GJB3: variants seen among roughly 807,000 people sequenced by gnomAD.
GJB3 encodes gap junction beta-3 protein.
A neutral mutation model predicts 8.1 loss-of-function variants in GJB3; 6 were observed. The ratio of observed to expected loss-of-function variants is 0.75; its 90% CI spans 0.41 to 1.47. The LOEUF (loss-of-function observed/expected upper bound fraction) is 1.47. Ranked by LOEUF, GJB3 falls within the 40% of genes most tolerant of loss-of-function variation. The probability of loss-of-function intolerance (pLI) is 0.02; values close to 1 mark genes in which losing one functional copy is unlikely to be tolerated. For missense variants in GJB3, 348 were observed against 365.6 expected, an observed-to-expected ratio of 0.95 and a Z score of 0.39; for synonymous variants, 137 against 156.4, an observed-to-expected ratio of 0.88 and a Z score of 0.93.
At position 34,785,605 on chromosome 1, in the gene GJB3, G is replaced by C. The variant is rs1317612103; in HGVS notation, c.*30G>C. ...AGGGCAGGGGTGGGGCAACATGCGG[G>C]CTGCCAATGGGACATGCAGGGCGGT... On this transcript the variant is annotated 3_prime_UTR_variant, in exon 2 of 2. Transcript: ENST00000373366. The surrounding 1 kb of genome is among the most constrained non-coding windows in gnomAD (Gnocchi z 4.7). 6.4e-7 allele frequency: 1 copy of C among 1,573,970 alleles called. No homozygotes were observed. The highest frequency in any genetic ancestry group is 8.7e-7 in the Non-Finnish European group (1 of 1,144,916).
At position 34,784,816 on chromosome 1, in the gene GJB3, AGCGTTCGG is replaced by A. The variant is rs780352766; in HGVS notation, c.58_65del (p.Phe20HisfsTer25). ...TGAGCGGTGTGAACAAGTACTCCAC[AGCGTTCGG>A]GCGCATCTGGCTGTCCGTGGTGTTC... is the stretch of plus-strand genomic sequence containing the variant. On this transcript the variant is annotated frameshift_variant, in exon 2 of 2. Coordinates refer to ENST00000373366, the MANE Select transcript of GJB3 (RefSeq NM_024009.3). LOFTEE classifies it high-confidence loss of function. 1 of 1,614,198 alleles carries A rather than the reference AGCGTTCGG, an allele frequency of 6.2e-7. No homozygotes were observed. The highest frequency in any genetic ancestry group is 8.5e-7 in the Non-Finnish European group (1 of 1,180,032).
rs1640092052 is a variant in GJB3, at chr1:34,785,345, T to C, written c.583T>C (p.Ser195Pro). Residue 195 changes from serine to proline, a missense_variant, in exon 2 of 2, where the codon TCC becomes CCC. By Grantham distance (74) the Ser-to-Pro change is moderately conservative (BLOSUM62 -1). Coordinates refer to ENST00000373366, the MANE Select transcript of GJB3 (RefSeq NM_024009.3). The surrounding 1 kb of genome is among the most constrained non-coding windows in gnomAD (Gnocchi z 4.7). ...CTTCACCTACTTCATGGTGGGCGCC[T>C]CCGCCGTCTGCATCGTACTCACCAT... ...KIFTYFMVGA[S>P]AVCIVLTICE... 1 of 1,613,192 alleles carries C rather than the reference T, an allele frequency of 6.2e-7. No individual in the cohort carries two copies. Among genetic ancestry groups the C allele is most frequent in the Non-Finnish European group, 8.5e-7 (1 of 1,179,852 alleles).
rs202043889 is a variant in GJB3 at position 34,785,110 on chromosome 1, G to A, written c.348G>A (p.Leu116=). The A allele has an allele frequency of 6.2e-7, 1 of 1,614,132 alleles. No homozygotes were observed. The highest frequency in any genetic ancestry group is 8.5e-7 in the Non-Finnish European group (1 of 1,180,048). The part of the protein sequence containing the change: ...RQKHGDQCAK[L]YDNAGKKHGG... ...AACACGGGGACCAGTGCGCCAAGCTGTACGACAACGCAGGCAAGAAGCACG... is the reference window on the plus strand; with the variant it reads ...AACACGGGGACCAGTGCGCCAAGCTATACGACAACGCAGGCAAGAAGCACG... Residue 116 remains leucine (L), a synonymous_variant, in exon 2 of 2, where the codon CTG becomes CTA. Coordinates refer to ENST00000373366, the MANE Select transcript of GJB3 (RefSeq NM_024009.3). This position sits in a 1 kb window ranked among gnomAD's most constrained non-coding sequence, Gnocchi z 4.7.
chr1:34,783,783 C>T (rs1482970129), intron 1 of GJB3, among the ~76,000 whole-genome samples: 1 of 152,102 alleles, frequency 6.6e-6, no homozygotes, highest in Non-Finnish European at 1.5e-5. Context: ...CAGACCCACC[C>T]GTCCACACCC....
At position 34,783,674 on chromosome 1, in the gene GJB3, T is replaced by C. The variant is rs1227172065; in HGVS notation, c.-25-1064T>C. 3.9e-5 allele frequency among the ~76,000 whole-genome samples: 6 copies of C among 152,144 alleles called. 1 individual carries two copies. The highest frequency in any genetic ancestry group is 1.9e-4 in the East Asian group (1 of 5,176). ...CGCATGCTCAGAGGTGCAAGTCAGC[T>C]CCAGGGGGACTCACATGCACATAGG... On this transcript the variant is annotated intron_variant, in intron 1 of 1. Coordinates refer to ENST00000373366, the MANE Select transcript of GJB3 (RefSeq NM_024009.3).
chr1:34,784,661 C>A (rs1640068644), intron 1 of GJB3, 77 bp from the exon 2 acceptor site: 1 of 946,262 alleles, frequency 1.1e-6, no homozygotes, highest in Non-Finnish European at 1.7e-6. Context: ...GAACTCAGAA[C>A]ACTGCCTGGT....
chr1:34,783,394 G>T (rs1173477935), intron 1 of GJB3, among the ~76,000 whole-genome samples: 2 of 152,216 alleles, frequency 1.3e-5, no homozygotes, highest in South Asian at 2.1e-4. Context: ...AGGTTCTGGA[G>T]GAAGAGCATT....
At position 34,785,944 on chromosome 1, in the gene GJB3, G is replaced by C. The variant is rs2236214; in HGVS notation, c.*369G>C. ...ATAATGTGTAAGAGAGGTGAGAAGTGCTCCCAAGCAGACACAACAGCAGCA... is the reference window on the plus strand; with the variant it reads ...ATAATGTGTAAGAGAGGTGAGAAGTCCTCCCAAGCAGACACAACAGCAGCA... On this transcript the variant is annotated 3_prime_UTR_variant, in exon 2 of 2. Transcript: ENST00000373366. The surrounding 1 kb of genome is among the most constrained non-coding windows in gnomAD (Gnocchi z 4.7). 59,973 of 279,616 alleles carry C rather than the reference G, an allele frequency of 0.21. 7,086 individuals are homozygous for C. The highest frequency in any genetic ancestry group is 0.31 in the African/African-American group (13,525 of 44,336). The allele number at this position is 279,616 out of a possible 1,614,324, so 17.3% of individuals were successfully genotyped here. A position where few individuals can be genotyped will look rare whatever the true frequency, so the allele number is the denominator to read the frequency against.
chr1:34,784,738 G>C lies in GJB3; in HGVS notation c.-25G>C, dbSNP rs770163316. On this transcript the variant is annotated splice_region_variant and 5_prime_UTR_variant, in exon 2 of 2. Coordinates refer to ENST00000373366, the MANE Select transcript of GJB3 (RefSeq NM_024009.3). Reference sequence around the variant, plus strand: ...ATGGTTTTTCCTCTAATTCTCTCAGGTAGGCACGGCCCCCACCAGGCGCCA... The same window carrying C: ...ATGGTTTTTCCTCTAATTCTCTCAGCTAGGCACGGCCCCCACCAGGCGCCA... The C allele has an allele frequency of 7.5e-6, 12 of 1,598,290 alleles. No individual in the cohort carries two copies. Among genetic ancestry groups the C allele is most frequent in the Middle Eastern group, 3.3e-4 (2 of 6,052 alleles).
intron 1 of GJB3, among the ~76,000 whole-genome samples, chr1:34,783,649 C>T (rs1323882419): frequency 6.6e-6 from 1 of 152,140 alleles, no homozygotes; most frequent in Non-Finnish European, 1.5e-5. Context: ...GCAGGCATCA[C>T]GCATGCTCAG....
At chr1:34,783,933 T>C (rs1412838932) in intron 1 of GJB3, among the ~76,000 whole-genome samples, 1 of 152,026 alleles carries the variant, frequency 6.6e-6, no homozygotes. Context: ...AGCAGGGAGT[T>C]TTCTCTAGAT....
In GJB3 at chr1:34,785,668, C is replaced by CTGAGTT; in HGVS notation, c.*93_*94insTGAGTT. On this transcript the variant is annotated 3_prime_UTR_variant, in exon 2 of 2. Transcript: ENST00000373366. The surrounding 1 kb of genome is among the most constrained non-coding windows in gnomAD (Gnocchi z 4.7). ...GAGGTCCTACAGGGGCTGAGTGACC[C>CTGAGTT]CACTCTGAGTTCACTAAGTTATGCA... 1 of 986,394 alleles carries CTGAGTT rather than the reference C, an allele frequency of 1.0e-6. No individual in the cohort carries two copies. The highest frequency in any genetic ancestry group is 1.4e-5 in the South Asian group (1 of 71,106). 61.1% of individuals were successfully genotyped at this position (986,394 alleles called of 1,614,324 possible).
intron 1 of GJB3, among the ~76,000 whole-genome samples, chr1:34,784,300 G>A (rs1410577665): frequency 6.6e-6 from 1 of 152,210 alleles, no homozygotes; most frequent in Non-Finnish European, 1.5e-5. Context: ...ACAGTAATGA[G>A]TAGCCAGCAT....
chr1:34,783,290 AG>A (rs1376435429), intron 1 of GJB3, among the ~76,000 whole-genome samples: 1 of 152,160 alleles, frequency 6.6e-6, no homozygotes, highest in Non-Finnish European at 1.5e-5. Flanking sequence ...TGACAGAAGC[AG>A]GGGCTCTTTC....
In GJB3 at chr1:34,785,119, C is replaced by G. The variant is rs41310442; in HGVS notation, c.357C>G (p.Asn119Lys). ...HGDQCAKLYDNAGKKHGGLWW... is the reference protein window; with the variant it reads ...HGDQCAKLYDKAGKKHGGLWW... ...ACCAGTGCGCCAAGCTGTACGACAA[C>G]GCAGGCAAGAAGCACGGAGGCCTGT... Residue 119 changes from asparagine (N) to lysine (K), a missense_variant, in exon 2 of 2, where the codon AAC becomes AAG. Coordinates refer to ENST00000373366, the MANE Select transcript of GJB3 (RefSeq NM_024009.3). This position sits in a 1 kb window ranked among gnomAD's most constrained non-coding sequence, Gnocchi z 4.7. The G allele has an allele frequency of 2.5e-6, 4 of 1,613,982 alleles. No individual in the cohort carries two copies. The highest frequency in any genetic ancestry group is 3.4e-6 in the Non-Finnish European group (4 of 1,180,040).
chr1:34,783,677 A>G (rs1045128295), intron 1 of GJB3, among the ~76,000 whole-genome samples: 9 of 152,176 alleles, frequency 5.9e-5, no homozygotes, highest in East Asian at 1.9e-4. Context: ...AGTCAGCTCC[A>G]GGGGGACTCA....
chr1:34,783,438 G>A (rs945841414), intron 1 of GJB3, among the ~76,000 whole-genome samples: 1 of 152,198 alleles, frequency 6.6e-6, no homozygotes, highest in Non-Finnish European at 1.5e-5. Context: ...AGCCCCCAAG[G>A]CCCTTATTCC....
Position 34,785,690 on chromosome 1 carries a change from T to G in GJB3, c.*115T>G. 1 of 829,756 alleles carries G rather than the reference T, an allele frequency of 1.2e-6. No individual in the cohort carries two copies. The highest frequency in any genetic ancestry group is 1.7e-5 in the African/African-American group (1 of 58,768). 51.4% of individuals were successfully genotyped at this position (829,756 alleles called of 1,614,324 possible). A position where few individuals can be genotyped will look rare whatever the true frequency, so the allele number is the denominator to read the frequency against. On this transcript the variant is annotated 3_prime_UTR_variant, in exon 2 of 2. Coordinates refer to ENST00000373366, the MANE Select transcript of GJB3 (RefSeq NM_024009.3). This position sits in a 1 kb window ranked among gnomAD's most constrained non-coding sequence, Gnocchi z 4.7. Reference sequence around the variant, plus strand: ...ACCCCACTCTGAGTTCACTAAGTTATGCAACTTTCGTTTTGGCAGATATTT... The same window carrying G: ...ACCCCACTCTGAGTTCACTAAGTTAGGCAACTTTCGTTTTGGCAGATATTT...
Position 34,785,292 on chromosome 1 carries a change from A to G in GJB3, c.530A>G (p.Tyr177Cys). 6.2e-7 allele frequency: 1 copy of G among 1,613,482 alleles called. No individual in the cohort carries two copies. Among genetic ancestry groups the G allele is most frequent in the Non-Finnish European group, 8.5e-7 (1 of 1,180,004 alleles). Residue 177 changes from tyrosine (Y) to cysteine (C), a missense_variant, in exon 2 of 2, where the codon TAC (tyrosine) becomes TGC (cysteine). Tyr to Cys is a radical substitution (Grantham distance 194). Transcript: ENST00000373366. This position sits in a 1 kb window ranked among gnomAD's most constrained non-coding sequence, Gnocchi z 4.7. ...VAPCPNIVDCYIARPTEKKIF... is the reference protein window; with the variant it reads ...VAPCPNIVDCCIARPTEKKIF... ...CCCTGCCCCAACATCGTGGACTGCT[A>G]CATTGCCCGACCTACCGAGAAGAAA...
Sources: allele counts gnomAD v4.1 joint callset (sites outside exome capture counted in the v4.1 genomes callset), GRCh38; gene constraint gnomAD v4.1.1; non-coding constraint Gnocchi (gnomAD v3.1); transcripts MANE v1.5; gene names NCBI Gene and HGNC (gene_info 2026-07-23, HGNC 2026-07-21).